The following FMNL1 variants were observed in gnomAD, a reference collection of about 807,000 sequenced individuals.
The protein encoded by FMNL1 is formin-like protein 1.
In FMNL1, 43 loss-of-function variants were observed where a neutral mutation model predicts 121.3. That is an observed-to-expected ratio of 0.35 (90% CI 0.28 to 0.46). The LOEUF is 0.46. FMNL1 is among the 20% of genes least tolerant of loss of function. FMNL1 has a pLI of 1.00. For missense variants in FMNL1, 1,191 were observed against 1,482.4 expected, an observed-to-expected ratio of 0.80 and a Z score of 3.23; for synonymous variants, 613 against 613.5, an observed-to-expected ratio of 1.00 and a Z score of 0.01.
chr17:45,222,582 T>C (rs1056846751), intron 1 of FMNL1, among the ~76,000 whole-genome samples: 1 of 151,724 alleles, frequency 6.6e-6, no homozygotes, highest in Non-Finnish European at 1.5e-5. Flanking sequence ...CCTTCCCCAC[T>C]GCACGCAGGC....
Position 45,243,628 on chromosome 17 carries a change from T to G in FMNL1, c.2214-163T>G, listed in dbSNP as rs572964446. Among the ~76,000 whole-genome samples the G allele has an allele frequency of 1.9e-3, 297 of 152,360 alleles. 3 individuals carry two copies. Among genetic ancestry groups the G allele is most frequent in the African/African-American group, 7.0e-3 (292 of 41,582 alleles). On this transcript the variant is annotated intron_variant, in intron 17 of 26. Transcript: ENST00000331495. ...TGCCCAGTTCCCAGTTTCTCTGGAT[T>G]CCCAGTTCCCAGTTTCTCTGGATTC...
Position 45,245,381 on chromosome 17 carries a change from A to G in FMNL1, c.2857A>G (p.Met953Val), listed in dbSNP as rs2043805605. The G allele has an allele frequency of 3.1e-6, 5 of 1,614,078 alleles. No individual in the cohort carries two copies. Among genetic ancestry groups the G allele is most frequent in the Non-Finnish European group, 4.2e-6 (5 of 1,180,026 alleles). The part of the protein sequence containing the change: ...KEFLRANSPT[M>V]DKLLADSKTA... Reference sequence around the variant, plus strand: ...GTTCCTGAGGGCCAACTCGCCCACCATGGACAAGCTGCTGGCAGACAGCAA... The same window carrying G: ...GTTCCTGAGGGCCAACTCGCCCACCGTGGACAAGCTGCTGGCAGACAGCAA... The change falls in exon 22 of 27, where the codon ATG (methionine) becomes GTG (valine). Residue 953 changes from methionine to valine, a missense_variant. Physicochemically the swap from Met to Val is conservative, Grantham distance 21 (BLOSUM62 1). This residue lies in a region of FMNL1 where 367 missense variants were observed against 528.6 expected (regional missense o/e 0.69). Transcript: ENST00000331495.
intron 1 of FMNL1, among the ~76,000 whole-genome samples, chr17:45,228,904 C>G (rs2043383279): frequency 6.6e-6 from 1 of 152,228 alleles, no homozygotes; most frequent in Non-Finnish European, 1.5e-5. Flanking sequence ...TGTCCCTTTT[C>G]TCCACCTTGC....
At position 45,241,181 on chromosome 17, in the gene FMNL1, A is replaced by G. The variant is rs2143539173; in HGVS notation, c.1283A>G (p.Glu428Gly). ...AENESMAKIA[E>G]LEKQLSQARK... ...AACGAATCCATGGCCAAGATTGCAG[A>G]ACTGGAAAAACAGCTAAGCCAGGCG... is the stretch of plus-strand genomic sequence containing the variant. Residue 428 changes from glutamate to glycine, a missense_variant, in exon 13 of 27, where the codon GAA becomes GGA. Around this residue, in one of 4 missense-constraint regions of FMNL1, gnomAD observed 519 missense variants for 492.8 expected, o/e 1.05. Transcript: ENST00000331495. The surrounding 1 kb of genome is among the most constrained non-coding windows in gnomAD (Gnocchi z 7.0). 1 of 1,614,054 alleles carries G rather than the reference A, an allele frequency of 6.2e-7. No individual in the cohort carries two copies. Among genetic ancestry groups the G allele is most frequent in the East Asian group, 2.2e-5 (1 of 44,880 alleles).
chr17:45,241,825 C>T lies in FMNL1; in HGVS notation c.1586-22C>T. The T allele has an allele frequency of 7.1e-7, 1 of 1,413,876 alleles. No individual in the cohort carries two copies. The highest frequency in any genetic ancestry group is 9.2e-7 in the Non-Finnish European group (1 of 1,092,128). The allele number at this position is 1,413,876 out of a possible 1,614,324, so 87.6% of individuals were successfully genotyped here. Reference sequence around the variant, plus strand: ...AAGGAGCTGACTCGCGCCTCCCCCACGCCGCGCCCTCGCTGGCTCAGATCT... The same window carrying T: ...AAGGAGCTGACTCGCGCCTCCCCCATGCCGCGCCCTCGCTGGCTCAGATCT... On this transcript the variant is annotated intron_variant, in intron 14 of 26. Transcript: ENST00000331495. The surrounding 1 kb of genome is among the most constrained non-coding windows in gnomAD (Gnocchi z 7.0).
rs762186162 is a variant in FMNL1, at chr17:45,242,329, C to T, written c.1886-12C>T. 6.2e-7 allele frequency: 1 copy of T among 1,613,020 alleles called. No homozygotes were observed. Among genetic ancestry groups the T allele is most frequent in the African/African-American group, 1.3e-5 (1 of 74,912 alleles). On this transcript the variant is annotated splice_polypyrimidine_tract_variant and intron_variant, in intron 15 of 26. Coordinates refer to ENST00000331495, the MANE Select transcript of FMNL1 (RefSeq NM_005892.4). ...CCCAGTGCTCACCACTGCCCCCAAA[C>T]CCCCGTCCCAGGAGTGAAGGCCAAG...
Position 45,246,918 on chromosome 17 carries a change from G to T in FMNL1, c.*60G>T. ...GCAGACACAGGCCGCCGCAGTGCCC[G>T]TCGGCGTCCCCCGGGCCCCCCACTG... On this transcript the variant is annotated 3_prime_UTR_variant, in exon 27 of 27. Transcript: ENST00000331495. 1 of 758,486 alleles carries T rather than the reference G, an allele frequency of 1.3e-6. No homozygotes were observed. Among genetic ancestry groups the T allele is most frequent in the African/African-American group, 1.7e-5 (1 of 59,164 alleles). 47.0% of individuals were successfully genotyped at this position (758,486 alleles called of 1,614,324 possible). A position where few individuals can be genotyped will look rare whatever the true frequency, so the allele number is the denominator to read the frequency against.
chr17:45,236,121 C>T lies in FMNL1; in HGVS notation c.615-15C>T, dbSNP rs1343722242. On this transcript the variant is annotated splice_polypyrimidine_tract_variant and intron_variant, in intron 6 of 26. Coordinates refer to ENST00000331495, the MANE Select transcript of FMNL1 (RefSeq NM_005892.4). ...CTCACTCTGACTCCTGCTGCCTCCT[C>T]CACACCCCGCCCAGGCTGACCCCAG... 8.7e-6 allele frequency: 14 copies of T among 1,606,712 alleles called. No individual in the cohort carries two copies. The highest frequency in any genetic ancestry group is 5.3e-5 in the African/African-American group (4 of 75,006).
chr17:45,243,704 T>C, intron 17 of FMNL1, 87 bp from the exon 18 acceptor site: 1 of 1,260,582 alleles, frequency 7.9e-7, no homozygotes, highest in Non-Finnish European at 1.1e-6. Context: ...CTGAAATTCA[T>C]TTATTCAATC....
At chr17:45,222,804 G>A (rs2043256911) in intron 1 of FMNL1, among the ~76,000 whole-genome samples, 1 of 152,076 alleles carries the variant, frequency 6.6e-6, no homozygotes, top group South Asian at 2.1e-4. Flanking sequence ...GGTGCCTGTG[G>A]GTCTTTATCT....
intron 15 of FMNL1, 33 bp from the exon 16 acceptor site, chr17:45,242,308 G>A (rs1371570925): frequency 6.2e-7 from 1 of 1,610,070 alleles, no homozygotes; most frequent in East Asian, 2.2e-5. Flanking sequence ...AGTACCCCCA[G>A]TGCTCACCAC....
At chr17:45,245,485 T>G in intron 22 of FMNL1, 69 bp downstream of exon 22, 1 of 1,607,960 alleles carries the variant, frequency 6.2e-7, no homozygotes, top group Non-Finnish European at 8.5e-7. Flanking sequence ...CCTGGAGGGG[T>G]GTGGCCGTAG....
intron 6 of FMNL1, among the ~76,000 whole-genome samples, chr17:45,235,164 T>G (rs2043525061): frequency 1.3e-5 from 2 of 152,214 alleles, no homozygotes; most frequent in African/African-American, 4.8e-5. Context: ...TAGTATGTAT[T>G]AGGTATATGG....
chr17:45,239,666 G>A (rs2043636800), intron 11 of FMNL1, among the ~76,000 whole-genome samples: 1 of 152,182 alleles, frequency 6.6e-6, no homozygotes, highest in Non-Finnish European at 1.5e-5. Context: ...AGGCTGGCGG[G>A]GGGGTCTATC....
chr17:45,231,764 G>A lies in FMNL1; in HGVS notation c.214-603G>A, dbSNP rs1344753514. ...TCCTGCCAACGCAGATGTGCAGGGC[G>A]GCTGGGTCCGAGTCCTACCCAGGTG... On this transcript the variant is annotated intron_variant, in intron 2 of 26. Transcript: ENST00000331495. The surrounding 1 kb of genome is among the most constrained non-coding windows in gnomAD (Gnocchi z 4.7). Among the ~76,000 whole-genome samples, 4 of 152,138 alleles carry A rather than the reference G, an allele frequency of 2.6e-5. No homozygotes were observed. The highest frequency in any genetic ancestry group is 4.4e-5 in the Non-Finnish European group (3 of 68,006).
chr17:45,234,503 A>G (rs1287434926), intron 6 of FMNL1: 3 of 372,810 alleles, frequency 8.0e-6, no homozygotes, highest in Non-Finnish European at 1.6e-5. Context: ...CATCTCTACT[A>G]AAATACAAAA....
In FMNL1 at chr17:45,246,261, C is replaced by T. The variant is rs779009445; in HGVS notation, c.3142C>T (p.Arg1048Trp). The T allele has an allele frequency of 7.4e-6, 12 of 1,613,988 alleles. No homozygotes were observed. The Middle Eastern group carries it at 4.9e-4, about 67-fold the overall frequency. The part of the protein sequence containing the change: ...PQMDLISELK[R>W]RQQKEPLIYE... ...GATGGACCTCATCTCTGAGCTGAAA[C>T]GGAGGCAGCAGAAGGAGCCACTCAT... is the stretch of plus-strand genomic sequence containing the variant. Residue 1048 changes from arginine (R) to tryptophan (W), a missense_variant, in exon 25 of 27, where the codon CGG becomes TGG. Physicochemically the swap from Arg to Trp is moderately radical, Grantham distance 101. Around this residue, in one of 4 missense-constraint regions of FMNL1, gnomAD observed 367 missense variants for 528.6 expected, o/e 0.69. Transcript: ENST00000331495.
chr17:45,241,078 G>A lies in FMNL1; in HGVS notation c.1231-51G>A. 1.2e-6 allele frequency: 2 copies of A among 1,601,538 alleles called. No homozygotes were observed. The highest frequency in any genetic ancestry group is 1.7e-6 in the Non-Finnish European group (2 of 1,170,990). The stretch of plus-strand genomic sequence containing the variant: ...TGCCTGATGCCGCCCCCTCACCGGC[G>A]GTGCCAGTGCCGGGCTGCGGGTCGG... On this transcript the variant is annotated intron_variant, in intron 12 of 26. Coordinates refer to ENST00000331495, the MANE Select transcript of FMNL1 (RefSeq NM_005892.4). This position sits in a 1 kb window ranked among gnomAD's most constrained non-coding sequence, Gnocchi z 7.0.
At chr17:45,227,481 A>G (rs2043352692) in intron 1 of FMNL1, among the ~76,000 whole-genome samples, 3 of 152,122 alleles carry the variant, frequency 2.0e-5, no homozygotes, top group Non-Finnish European at 4.4e-5. Flanking sequence ...GTGGGGAATC[A>G]GTTCCTTTTC....
Sources: allele counts gnomAD v4.1 joint callset (sites outside exome capture counted in the v4.1 genomes callset), GRCh38; gene constraint gnomAD v4.1.1; regional missense constraint gnomAD v4.1.1; non-coding constraint Gnocchi (gnomAD v3.1); transcripts MANE v1.5; gene names NCBI Gene and HGNC (gene_info 2026-07-23, HGNC 2026-07-21).